Variants in ASB3 observed in about 807,000 individuals in gnomAD.
ASB3 encodes the protein ankyrin repeat and SOCS box containing 3.
A neutral mutation model predicts 54.5 loss-of-function variants in ASB3; 41 were observed. The ratio of observed to expected loss-of-function variants is 0.75; its 90% CI spans 0.59 to 0.98. ASB3 has a LOEUF of 0.98. Ranked by LOEUF, ASB3 falls within the 50% of genes least tolerant of loss-of-function variation. ASB3 has a pLI of 0.00. For missense variants in ASB3, 733 were observed against 620.0 expected, an observed-to-expected ratio of 1.18 and a Z score of -1.94; for synonymous variants, 266 against 221.2, an observed-to-expected ratio of 1.20 and a Z score of -1.80.
At position 53,680,608 on chromosome 2, in the gene ASB3, A is replaced by C. The variant is rs543539085; in HGVS notation, c.1370-9918T>G. Among the ~76,000 whole-genome samples the C allele has an allele frequency of 2.6e-5, 4 of 152,312 alleles. No individual in the cohort carries two copies. The South Asian group carries it at 8.3e-4, about 32-fold the overall frequency. On this transcript the variant is annotated intron_variant, in intron 9 of 9. Coordinates refer to ENST00000263634, the MANE Select transcript of ASB3 (RefSeq NM_016115.5). ...TTTTTAAATTGTGTGGGCACATAGT[A>C]GGTGTATATATTTATGGGGTACATG...
chr2:53,699,979 C>T (rs1017013333), intron 8 of ASB3, among the ~76,000 whole-genome samples: 3 of 152,150 alleles, frequency 2.0e-5, no homozygotes, highest in Non-Finnish European at 4.4e-5. Context: ...CTGTTACAGG[C>T]ATTTTAAGAG....
At chr2:53,689,784 T>G (rs1010160918) in intron 9 of ASB3, among the ~76,000 whole-genome samples, 1 of 152,182 alleles carries the variant, frequency 6.6e-6, no homozygotes, top group African/African-American at 2.4e-5. Context: ...CTACCACAGA[T>G]CAACCTTCAT....
At chr2:53,693,410 C>T (rs1669019313) in intron 9 of ASB3, among the ~76,000 whole-genome samples, 2 of 152,016 alleles carry the variant, frequency 1.3e-5, no homozygotes. Flanking sequence ...ACAGTTATAC[C>T]ATACCAACAG....
At chr2:53,689,472 A>C (rs1037365134) in intron 9 of ASB3, among the ~76,000 whole-genome samples, 1 of 152,250 alleles carries the variant, frequency 6.6e-6, no homozygotes. Flanking sequence ...CCTAAACTAG[A>C]AATGGCTTTA....
intron 7 of ASB3, 91 bp downstream of exon 7, chr2:53,714,293 A>T (rs747137716): frequency 8.1e-6 from 12 of 1,473,538 alleles, no homozygotes; most frequent in Non-Finnish European, 1.1e-5. Flanking sequence ...TAACAGAGAT[A>T]CTAAGTTTCA....
At chr2:53,677,501 A>C (rs939408254) in intron 9 of ASB3, among the ~76,000 whole-genome samples, 1 of 152,166 alleles carries the variant, frequency 6.6e-6, no homozygotes, top group Admixed American at 6.5e-5. Flanking sequence ...TTTTTAAAAA[A>C]AAACTCTGCT....
At chr2:53,679,834 T>C (rs13431988) in intron 9 of ASB3, among the ~76,000 whole-genome samples, 3,690 of 152,280 alleles carry the variant, frequency 0.024, 132 homozygotes, top group African/African-American at 0.083. Context: ...GTACAGATTA[T>C]TTTGTCACCC....
chr2:53,691,507 G>A (rs1327781359), intron 9 of ASB3, among the ~76,000 whole-genome samples: 1 of 152,122 alleles, frequency 6.6e-6, no homozygotes, highest in East Asian at 1.9e-4. Flanking sequence ...GTTATTGGAG[G>A]AAGAGGGGTA....
rs375877388 is a variant in ASB3 at position 53,723,495 on chromosome 2, C to T, written c.604+5217G>A. Among the ~76,000 whole-genome samples the T allele has an allele frequency of 2.4e-4, 36 of 152,256 alleles. No individual in the cohort carries two copies. The East Asian group carries it at 4.2e-3, about 18-fold the overall frequency. On this transcript the variant is annotated intron_variant, in intron 5 of 9. Transcript: ENST00000263634. ...ATCCCTCACCCCCTTCCCATCCTTTCCCTGAGTCCCTGAAGTGTCATTTTT... is the reference window on the plus strand; with the variant it reads ...ATCCCTCACCCCCTTCCCATCCTTTTCCTGAGTCCCTGAAGTGTCATTTTT...
At chr2:53,709,417 T>A (rs1669967499) in intron 7 of ASB3, among the ~76,000 whole-genome samples, 2 of 152,150 alleles carry the variant, frequency 1.3e-5, no homozygotes, top group South Asian at 4.1e-4. Context: ...ATGCCCAGCA[T>A]AAAGGGCCTT....
At chr2:53,721,604 G>A (rs1166074118) in intron 5 of ASB3, among the ~76,000 whole-genome samples, 4 of 151,570 alleles carry the variant, frequency 2.6e-5, no homozygotes, top group Non-Finnish European at 5.9e-5. Context: ...ACTTGCTCTT[G>A]GATAACTTTT....
At chr2:53,769,998 G>A (rs1211169093) in intron 1 of ASB3, among the ~76,000 whole-genome samples, 14 of 152,140 alleles carry the variant, frequency 9.2e-5, no homozygotes, top group Admixed American at 9.2e-4. Context: ...CTGGAACCAA[G>A]AATCAAGATT....
intron 5 of ASB3, among the ~76,000 whole-genome samples, chr2:53,721,660 T>A (rs1269821074): frequency 6.6e-6 from 1 of 151,848 alleles, no homozygotes; most frequent in African/African-American, 2.4e-5. Context: ...TTCTTTGAAA[T>A]AAATAAAAAC....
intron 3 of ASB3, among the ~76,000 whole-genome samples, chr2:53,744,188 A>G (rs929551396): frequency 6.6e-6 from 1 of 151,920 alleles, no homozygotes; most frequent in Non-Finnish European, 1.5e-5. Context: ...CATCCTGGCT[A>G]ACACGGTGAA....
chr2:53,702,124 A>ATTT (rs1363942167), intron 7 of ASB3, among the ~76,000 whole-genome samples: 5 of 152,154 alleles, frequency 3.3e-5, no homozygotes, highest in African/African-American at 4.8e-5. Flanking sequence ...TCAGCTCTAA[A>ATTT]CCTCTTCCAA....
At chr2:53,708,600 G>C (rs1669921436) in intron 7 of ASB3, among the ~76,000 whole-genome samples, 1 of 152,206 alleles carries the variant, frequency 6.6e-6, no homozygotes, top group Non-Finnish European at 1.5e-5. Flanking sequence ...ATGAGGGAAA[G>C]TTTGGAACTC....
rs189868836 is a variant in ASB3 at position 53,711,503 on chromosome 2, G to T, written c.980+2881C>A. Among the ~76,000 whole-genome samples, 12 of 152,268 alleles carry T rather than the reference G, an allele frequency of 7.9e-5. No individual in the cohort carries two copies. The East Asian group carries it at 2.3e-3, about 29-fold the overall frequency. Reference sequence around the variant, plus strand: ...GGCAACACAGCAGAAGAAAAAGAAGGCCAGGCGCGGTGACTCATGCCAGCA... The same window carrying T: ...GGCAACACAGCAGAAGAAAAAGAAGTCCAGGCGCGGTGACTCATGCCAGCA... On this transcript the variant is annotated intron_variant, in intron 7 of 9. Coordinates refer to ENST00000263634, the MANE Select transcript of ASB3 (RefSeq NM_016115.5).
intron 3 of ASB3, among the ~76,000 whole-genome samples, chr2:53,731,906 G>A (rs894640405): frequency 1.3e-5 from 2 of 151,864 alleles, no homozygotes; most frequent in Non-Finnish European, 2.9e-5. Flanking sequence ...ACCAGCCTCG[G>A]CCTCCCAAAG....
chr2:53,728,376 A>C (rs17039525), intron 5 of ASB3, among the ~76,000 whole-genome samples: 36,503 of 151,952 alleles, frequency 0.24, 4,506 homozygotes, highest in East Asian at 0.43. Flanking sequence ...CTAATAAGGT[A>C]ATTAAGCCTA....
Sources: gnomAD v4.1 joint callset for allele counts (sites outside exome capture counted in the v4.1 genomes callset) on GRCh38, gnomAD v4.1.1 for gene constraint, MANE v1.5 for transcripts, NCBI Gene and HGNC (gene_info 2026-07-23, HGNC 2026-07-21) for gene names.